Variants in KLKB1 observed in about 807,000 individuals in gnomAD.
The protein encoded by KLKB1 is kallikrein B1, also known as plasma kallikrein.
In KLKB1, 58 loss-of-function variants were observed where a neutral mutation model predicts 73.6. That is an observed-to-expected ratio of 0.79 (90% CI 0.64 to 0.98). The LOEUF is 0.98. Among genes scored for constraint, KLKB1 ranks in the 50% least tolerant of loss-of-function variants. KLKB1 has a pLI of 0.00. For synonymous variants in KLKB1, 280 were observed against 258.1 expected (o/e 1.08, Z -0.81); for missense variants, 737 against 763.8 (o/e 0.96, Z 0.41).
At chr4:186,233,776 A>T (rs559128517) in intron 3 of KLKB1, among the ~76,000 whole-genome samples, 176 bp from the exon 4 acceptor site, 1 of 152,226 alleles carries the variant, frequency 6.6e-6, no homozygotes, top group African/African-American at 2.4e-5. Flanking sequence ...TGATGGAGTT[A>T]GATATTATGG....
In KLKB1 at chr4:186,228,199, A is replaced by T. The variant is rs776595040; in HGVS notation, c.4A>T (p.Ile2Phe). The T allele has an allele frequency of 6.4e-7, 1 of 1,553,596 alleles. No homozygotes were observed. Among genetic ancestry groups the T allele is most frequent in the Non-Finnish European group, 8.9e-7 (1 of 1,125,240 alleles). ...ATGTATTGTTTTCTTTTTTAGAATG[A>T]TTTTATTCAAGCAAGCAACTTATTT... MILFKQATYFIS... is the reference protein window; with the variant it reads MFLFKQATYFIS... The change falls in exon 2 of 15, where the codon ATT becomes TTT. Residue 2 changes from isoleucine to phenylalanine, a missense_variant. Transcript: ENST00000264690.
intron 6 of KLKB1, among the ~76,000 whole-genome samples, chr4:186,245,626 C>T (rs1340025272): frequency 1.3e-5 from 2 of 152,162 alleles, no homozygotes; most frequent in African/African-American, 2.4e-5. Flanking sequence ...GCAGTTTAGG[C>T]ATTTTGAAGT....
chr4:186,255,112 G>A (rs1280559314), intron 12 of KLKB1, among the ~76,000 whole-genome samples: 2 of 152,194 alleles, frequency 1.3e-5, no homozygotes, highest in Non-Finnish European at 2.9e-5. Context: ...ATTCGAATGT[G>A]TGAGGGCAAG....
chr4:186,212,425 G>A (rs867986146), intron 2 of KLKB1: 35 of 152,118 alleles, frequency 2.3e-4, no homozygotes, highest in African/African-American at 8.2e-4. Context: ...CGTGTTCACT[G>A]AATTTTAATT....
rs1410992998 is a variant in KLKB1 at position 186,248,658 on chromosome 4, G to A, written c.599-1585G>A. 5.9e-5 allele frequency among the ~76,000 whole-genome samples: 8 copies of A among 135,976 alleles called. No individual in the cohort carries two copies. In the East Asian group the frequency reaches 1.6e-3, roughly 28 times the overall value. The allele number at this position is 135,976 out of a possible 152,430, so 89.2% of individuals were successfully genotyped here. On this transcript the variant is annotated intron_variant, in intron 6 of 14. Coordinates refer to ENST00000264690, the MANE Select transcript of KLKB1 (RefSeq NM_000892.5). The stretch of plus-strand genomic sequence containing the variant: ...TGCTATGGACAACAGTTTTTGGGTA[G>A]GCATGCATTTTAAATTCTCTTATGT...
chr4:186,227,925 T>G (rs1166139816), intron 1 of KLKB1, among the ~76,000 whole-genome samples: 3 of 152,186 alleles, frequency 2.0e-5, no homozygotes, highest in Admixed American at 6.5e-5. Flanking sequence ...ACCAATTCCC[T>G]TTCCAACATT....
upstream of KLKB1, among the ~76,000 whole-genome samples, chr4:186,227,200 G>A (rs1381619919): frequency 1.3e-5 from 2 of 152,166 alleles, no homozygotes; most frequent in Non-Finnish European, 2.9e-5. Context: ...ACTTCTATGT[G>A]TCTTTTCTTA....
intron 2 of KLKB1, among the ~76,000 whole-genome samples, chr4:186,215,192 G>A (rs908079809): frequency 4.7e-5 from 7 of 150,418 alleles, no homozygotes; most frequent in African/African-American, 1.5e-4. Context: ...AATGTTTTCA[G>A]TTTACTTTCA....
At chr4:186,243,125 C>T (rs145861841) in intron 6 of KLKB1, among the ~76,000 whole-genome samples, 1,863 of 152,120 alleles carry the variant, frequency 0.012, 23 homozygotes, top group Middle Eastern at 0.024. Flanking sequence ...CAGTCCTGGG[C>T]GGGGGCAAAT....
upstream of KLKB1, among the ~76,000 whole-genome samples, chr4:186,225,256 C>A (rs1446924530): frequency 3.3e-5 from 5 of 149,306 alleles, no homozygotes; most frequent in African/African-American, 1.2e-4. Flanking sequence ...TTCTTGGTTG[C>A]CAGGTTTTGT....
intron 2 of KLKB1, among the ~76,000 whole-genome samples, chr4:186,219,052 G>A (rs542210360): frequency 6.6e-6 from 1 of 152,270 alleles, no homozygotes; most frequent in Admixed American, 6.5e-5. Context: ...CAGCACAGGA[G>A]AAAGATGAGG....
chr4:186,251,154 T>C, intron 7 of KLKB1, 65 bp from the exon 8 acceptor site: 1 of 1,047,924 alleles, frequency 9.5e-7, no homozygotes, highest in Non-Finnish European at 1.5e-6. Context: ...GCTGCTTTTG[T>C]ATTTGCCTAA....
At chr4:186,213,975 G>A (rs72647308) in intron 2 of KLKB1, among the ~76,000 whole-genome samples, 16,564 of 152,084 alleles carry the variant, frequency 0.11, 946 homozygotes, top group South Asian at 0.12. Context: ...TCCTTCCCCA[G>A]CATACACACA....
At chr4:186,215,711 C>G (rs1460056357) in intron 2 of KLKB1, among the ~76,000 whole-genome samples, 6 of 152,130 alleles carry the variant, frequency 3.9e-5, no homozygotes, top group African/African-American at 1.4e-4. Flanking sequence ...GTAGCTAGGA[C>G]TACAGGTGCA....
intron 4 of KLKB1, among the ~76,000 whole-genome samples, chr4:186,234,452 C>T (rs1180215061): frequency 6.6e-6 from 1 of 152,154 alleles, no homozygotes; most frequent in Non-Finnish European, 1.5e-5. Context: ...CCACTGGGGA[C>T]ATTTGACAAT....
Position 186,228,271 on chromosome 4 carries a change from A to C in KLKB1, c.58+18A>C, listed in dbSNP as rs754214502. ...TTCCTGTGGTAAGTGAATTATCTAT[A>C]AAACATGGAATTCAGGCTAAGACAG... is the stretch of plus-strand genomic sequence containing the variant. On this transcript the variant is annotated intron_variant, in intron 2 of 14. Coordinates refer to ENST00000264690, the MANE Select transcript of KLKB1 (RefSeq NM_000892.5). The C allele has an allele frequency of 6.5e-7, 1 of 1,538,506 alleles. No individual in the cohort carries two copies. Among genetic ancestry groups the C allele is most frequent in the Non-Finnish European group, 9.0e-7 (1 of 1,111,316 alleles).
chr4:186,233,394 G>C (rs1207315302), intron 3 of KLKB1, among the ~76,000 whole-genome samples: 1 of 152,180 alleles, frequency 6.6e-6, no homozygotes. Flanking sequence ...AAATTGGATA[G>C]TCATTCTCTG....
chr4:186,258,107 C>T lies in KLKB1; in HGVS notation c.1812C>T (p.Arg604=). ...GITSWGEGCA[R]REQPGVYTKV... ...CCAGCTGGGGTGAAGGCTGTGCCCG[C>T]AGGGAGCAACCTGGTGTCTACACCA... is the stretch of plus-strand genomic sequence containing the variant. The change falls in exon 15 of 15, where the codon CGC becomes CGT. Residue 604 remains arginine (R), a synonymous_variant. Coordinates refer to ENST00000264690, the MANE Select transcript of KLKB1 (RefSeq NM_000892.5). The T allele has an allele frequency of 1.2e-6, 2 of 1,614,098 alleles. No individual in the cohort carries two copies. The highest frequency in any genetic ancestry group is 2.2e-5 in the South Asian group (2 of 91,088).
At chr4:186,236,092 C>G (rs1411636860) in intron 4 of KLKB1, among the ~76,000 whole-genome samples, 1 of 78,436 alleles carries the variant, frequency 1.3e-5, no homozygotes, top group Non-Finnish European at 2.3e-5. Flanking sequence ...CCAGCCTGGG[C>G]GACAGAGCGA....
Sources: allele counts gnomAD v4.1 joint callset (sites outside exome capture counted in the v4.1 genomes callset), GRCh38; gene constraint gnomAD v4.1.1; transcripts MANE v1.5; gene names NCBI Gene and HGNC (gene_info 2026-07-23, HGNC 2026-07-21).